NUP98: variants seen among roughly 807,000 people sequenced by gnomAD.
The protein encoded by NUP98 is nucleoporin 98 and 96 precursor.
A neutral mutation model predicts 191.9 loss-of-function variants in NUP98; 26 were observed. That is an observed-to-expected ratio of 0.14 (90% CI 0.10 to 0.19). NUP98 has a LOEUF of 0.19. Ranked by LOEUF, NUP98 falls within the 10% of genes least tolerant of loss-of-function variation. The pLI, the probability that NUP98 is intolerant of heterozygous loss-of-function variation, is 1.00. For missense variants in NUP98, 1,941 were observed against 2,178.8 expected (o/e 0.89, Z 2.17); for synonymous variants, 808 against 778.4 (o/e 1.04, Z -0.63).
intron 9 of NUP98, among the ~76,000 whole-genome samples, chr11:3,762,652 T>C (rs559263397): frequency 6.6e-6 from 1 of 152,312 alleles, no homozygotes; most frequent in African/African-American, 2.4e-5. Flanking sequence ...ATCAGAAGTA[T>C]GATGCACATA....
chr11:3,775,478 GTGAGC>G (rs1434385110), intron 5 of NUP98, among the ~76,000 whole-genome samples: 2 of 151,888 alleles, frequency 1.3e-5, no homozygotes, highest in African/African-American at 2.4e-5. Flanking sequence ...AGAGGTTGCA[GTGAGC>G]TGAGATTGCA....
At chr11:3,790,890 C>A (rs1222970897) in intron 1 of NUP98, among the ~76,000 whole-genome samples, 3 of 147,108 alleles carry the variant, frequency 2.0e-5, no homozygotes, top group South Asian at 2.1e-4. Context: ...TCATGGAACA[C>A]CATTTTAATT....
chr11:3,774,420 GCAA>G (rs1049513481), intron 5 of NUP98, among the ~76,000 whole-genome samples: 3 of 148,906 alleles, frequency 2.0e-5, no homozygotes, highest in Non-Finnish European at 3.0e-5. Context: ...TCAAAAAACA[GCAA>G]CAACAAAAAA....
chr11:3,748,687 T>C (rs994697824), intron 11 of NUP98, among the ~76,000 whole-genome samples: 1 of 152,068 alleles, frequency 6.6e-6, no homozygotes, highest in South Asian at 2.1e-4. Flanking sequence ...AAGCCTTCCT[T>C]AATTTGAATT....
chr11:3,759,809 A>G (rs1043048613), intron 10 of NUP98, among the ~76,000 whole-genome samples: 2 of 152,066 alleles, frequency 1.3e-5, no homozygotes, highest in African/African-American at 4.8e-5. Context: ...CAAATCAGAA[A>G]GGTTTCAACT....
chr11:3,693,217 A>C lies in NUP98; in HGVS notation c.4311+15T>G. 6.2e-7 allele frequency: 1 copy of C among 1,613,468 alleles called. No individual in the cohort carries two copies. Among genetic ancestry groups the C allele is most frequent in the Non-Finnish European group, 8.5e-7 (1 of 1,179,628 alleles). The stretch of plus-strand genomic sequence containing the variant: ...CCCAGCAAGATTTTTGCTTGGCTCT[A>C]TTGGCCACATATACCTGAAATGCTT... On this transcript the variant is annotated intron_variant, in intron 27 of 32. Transcript: ENST00000324932.
intron 12 of NUP98, among the ~76,000 whole-genome samples, chr11:3,740,427 C>G (rs1305399444): frequency 1.3e-5 from 2 of 151,742 alleles, no homozygotes; most frequent in Non-Finnish European, 2.9e-5. Flanking sequence ...AAGAGAATCA[C>G]TTGAACCTGG....
intron 16 of NUP98, 155 bp from the exon 17 acceptor site, chr11:3,720,980 GT>G: frequency 2.4e-6 from 1 of 417,928 alleles, no homozygotes; most frequent in Non-Finnish European, 4.2e-6. Context: ...GTGTGAGTGT[GT>G]GTGTGTGTGT....
chr11:3,780,737 A>G (rs941247311), intron 2 of NUP98, among the ~76,000 whole-genome samples: 3 of 151,468 alleles, frequency 2.0e-5, no homozygotes, highest in Non-Finnish European at 4.4e-5. Flanking sequence ...GGAGATGGAG[A>G]CTAGCCTGGG....
At chr11:3,687,182 C>T (rs2078157646) in intron 28 of NUP98, among the ~76,000 whole-genome samples, 1 of 152,136 alleles carries the variant, frequency 6.6e-6, no homozygotes, top group African/African-American at 2.4e-5. Context: ...GATCGTCCCA[C>T]TTCAGCGTCA....
chr11:3,757,087 CAA>C (rs1199481122), intron 10 of NUP98, among the ~76,000 whole-genome samples: 1 of 137,398 alleles, frequency 7.3e-6, no homozygotes, highest in African/African-American at 2.7e-5. Flanking sequence ...GACTCCATCT[CAA>C]AAAAAAAATA....
chr11:3,760,735 G>A, intron 9 of NUP98, 109 bp from the exon 10 acceptor site: 2 of 723,498 alleles, frequency 2.8e-6, no homozygotes, highest in South Asian at 2.1e-5. Flanking sequence ...GGAGAAAGAT[G>A]TCCTAACATT....
intron 8 of NUP98, among the ~76,000 whole-genome samples, chr11:3,767,421 C>G (rs764443014): frequency 1.3e-5 from 2 of 151,736 alleles, no homozygotes; most frequent in Non-Finnish European, 2.9e-5. Context: ...TCTGCCTCCC[C>G]CTGGGTTCAA....
chr11:3,716,279 G>A (rs1346913706), intron 18 of NUP98, among the ~76,000 whole-genome samples: 1 of 151,804 alleles, frequency 6.6e-6, no homozygotes, highest in African/African-American at 2.4e-5. Flanking sequence ...TCTTTTGTAT[G>A]TGGATATCCA....
chr11:3,711,782 A>G, intron 20 of NUP98: 109 of 748,368 alleles, frequency 1.5e-4, no homozygotes, highest in Middle Eastern at 6.0e-4. Context: ...CATTTATCAT[A>G]CCCTCCCCTC....
At chr11:3,700,076 C>A (rs993473581) in intron 24 of NUP98, among the ~76,000 whole-genome samples, 2 of 152,058 alleles carry the variant, frequency 1.3e-5, no homozygotes, top group Non-Finnish European at 1.5e-5. Context: ...CAAGAAGGGG[C>A]CGGGCTCGAT....
chr11:3,793,796 G>A (rs1033840659), intron 1 of NUP98, among the ~76,000 whole-genome samples: 11 of 151,798 alleles, frequency 7.2e-5, no homozygotes, highest in African/African-American at 2.2e-4. Context: ...CATGGTGAAA[G>A]CCTGTCTCTA....
chr11:3,761,039 G>A (rs867358465), intron 9 of NUP98, among the ~76,000 whole-genome samples: 1 of 152,180 alleles, frequency 6.6e-6, no homozygotes, highest in African/African-American at 2.4e-5. Flanking sequence ...CCTTGAAAAT[G>A]CTATGCTAAG....
chr11:3,752,861 G>A (rs1488547723), intron 11 of NUP98, among the ~76,000 whole-genome samples: 1 of 152,168 alleles, frequency 6.6e-6, no homozygotes, highest in Non-Finnish European at 1.5e-5. Flanking sequence ...CAGGGAAAAG[G>A]GGTGACACTG....
Sources: allele counts gnomAD v4.1 joint callset (sites outside exome capture counted in the v4.1 genomes callset), GRCh38; gene constraint gnomAD v4.1.1; transcripts MANE v1.5; gene names NCBI Gene and HGNC (gene_info 2026-07-23, HGNC 2026-07-21).